The following ITGB5 variants were observed in gnomAD, a reference collection of about 807,000 sequenced individuals.
ITGB5 encodes the protein integrin beta-5.
ITGB5 carries 38 observed loss-of-function variants against 84.8 expected under a neutral mutation model. The ratio of observed to expected loss-of-function variants is 0.45; its 90% CI spans 0.35 to 0.59. The LOEUF (loss-of-function observed/expected upper bound fraction) is 0.59, where lower values mean the gene tolerates loss of function less well. Ranked by LOEUF, ITGB5 falls within the 20% of genes least tolerant of loss-of-function variation. The pLI is 0.01. For synonymous variants in ITGB5, 393 were observed against 414.4 expected (o/e 0.95, Z 0.63); for missense variants, 905 against 1,034.5 (o/e 0.87, Z 1.72).
chr3:124,821,485 G>A lies in ITGB5; in HGVS notation c.781-11C>T, dbSNP rs61760575. Reference sequence around the variant, plus strand: ...CCAGCCAATCTTCTCCTGAAGGACAGAAGGTGGATGGGTACACCAGTCTTT... The same window carrying A: ...CCAGCCAATCTTCTCCTGAAGGACAAAAGGTGGATGGGTACACCAGTCTTT... On this transcript the variant is annotated splice_polypyrimidine_tract_variant and intron_variant, in intron 5 of 14. Transcript: ENST00000296181. 8.4e-3 allele frequency: 13,595 copies of A among 1,613,818 alleles called. 61 individuals are homozygous for A. Among genetic ancestry groups the A allele is most frequent in the Non-Finnish European group, 9.9e-3 (11,703 of 1,179,918 alleles).
At chr3:124,891,468 C>T (rs111826254), upstream of ITGB5, among the ~76,000 whole-genome samples, 3,181 of 151,782 alleles carry the variant, frequency 0.021, 104 homozygotes, top group African/African-American at 0.073. Context: ...TTGCTGGAGG[C>T]CAGGAGTTCA....
At chr3:124,877,279 C>A (rs546748005) in intron 1 of ITGB5, among the ~76,000 whole-genome samples, 2 of 152,044 alleles carry the variant, frequency 1.3e-5, no homozygotes, top group Admixed American at 1.3e-4. Flanking sequence ...ACACCTGGCT[C>A]ACTTAGTGAT....
intron 9 of ITGB5, among the ~76,000 whole-genome samples, chr3:124,798,706 G>A (rs562009944): frequency 2.0e-5 from 3 of 152,336 alleles, no homozygotes; most frequent in South Asian, 2.1e-4. Flanking sequence ...GATTACAGGC[G>A]TGAGCCACTG....
At chr3:124,805,600 C>T (rs1033702557) in intron 9 of ITGB5, among the ~76,000 whole-genome samples, 2 of 152,098 alleles carry the variant, frequency 1.3e-5, no homozygotes, top group African/African-American at 2.4e-5. Flanking sequence ...CACAGGTGTG[C>T]GCTACCATGC....
chr3:124,851,533 T>C (rs2065153992), intron 3 of ITGB5, among the ~76,000 whole-genome samples: 1 of 152,058 alleles, frequency 6.6e-6, no homozygotes, highest in African/African-American at 2.4e-5. Flanking sequence ...GGTCCCTTTG[T>C]ATCCTAAGAG....
intron 5 of ITGB5, among the ~76,000 whole-genome samples, chr3:124,830,421 G>A (rs1460471781): frequency 6.6e-6 from 1 of 152,234 alleles, no homozygotes; most frequent in Non-Finnish European, 1.5e-5. Flanking sequence ...CATGGTCACT[G>A]TGGCCAAATA....
At chr3:124,801,647 G>T (rs2064318182) in intron 9 of ITGB5, among the ~76,000 whole-genome samples, 1 of 152,132 alleles carries the variant, frequency 6.6e-6, no homozygotes, top group Non-Finnish European at 1.5e-5. Flanking sequence ...CTCTTCTCCA[G>T]GGGAGTCCCC....
At chr3:124,840,406 A>C (rs1299702359) in intron 5 of ITGB5, among the ~76,000 whole-genome samples, 1 of 152,014 alleles carries the variant, frequency 6.6e-6, no homozygotes, top group African/African-American at 2.4e-5. Context: ...TTTTTAAAGT[A>C]TGTGTTATGA....
chr3:124,822,416 A>G (rs1412824738), intron 5 of ITGB5, among the ~76,000 whole-genome samples: 1 of 152,226 alleles, frequency 6.6e-6, no homozygotes, highest in Non-Finnish European at 1.5e-5. Flanking sequence ...AGGAGACTGG[A>G]TTCACAGACC....
rs372728306 is a variant in ITGB5, at chr3:124,773,842, C to T, written c.1764G>A (p.Ser588=). The stretch of plus-strand genomic sequence containing the variant: ...TGCCCCGGCATGTGCTGATGTCTGT[C>T]GAGCAGTTACAGTTGTCCCCGATGT... The part of the protein sequence containing the change: ...AGYIGDNCNC[S]TDISTCRGRD... Residue 588 remains serine (S), a synonymous_variant, in exon 11 of 15, where the codon TCG becomes TCA. Transcript: ENST00000296181. 5.7e-5 allele frequency: 92 copies of T among 1,614,056 alleles called. No individual in the cohort carries two copies. Among genetic ancestry groups the T allele is most frequent in the Non-Finnish European group, 7.1e-5 (84 of 1,180,056 alleles).
At chr3:124,882,323 A>G (rs1934608548) in intron 1 of ITGB5, among the ~76,000 whole-genome samples, 1 of 152,198 alleles carries the variant, frequency 6.6e-6, no homozygotes, top group African/African-American at 2.4e-5. Context: ...TAAGGACAAA[A>G]ATTAAAGAAG....
At chr3:124,863,147 C>T (rs772343094) in intron 2 of ITGB5, 1 of 152,182 alleles carries the variant, frequency 6.6e-6, no homozygotes, top group Non-Finnish European at 1.5e-5. Context: ...TGCTCAACAA[C>T]TTTGAGGCAT....
chr3:124,782,966 C>CTTTA, intron 10 of ITGB5, among the ~76,000 whole-genome samples: 1 of 147,446 alleles, frequency 6.8e-6, no homozygotes, highest in South Asian at 2.3e-4. Flanking sequence ...ATTATTTTCC[C>CTTTA]TTTCTTTCTT....
At position 124,807,941 on chromosome 3, in the gene ITGB5, C is replaced by CA. The variant is rs552552243; in HGVS notation, c.1263+1080dup. 9.8e-3 allele frequency among the ~76,000 whole-genome samples: 263 copies of CA among 26,796 alleles called. 89 individuals are homozygous for CA. Among genetic ancestry groups the CA allele is most frequent in the Non-Finnish European group, 0.015 (208 of 13,982 alleles). The allele number at this position is 26,796 out of a possible 152,430, so 17.6% of individuals were successfully genotyped here. A position where few individuals can be genotyped will look rare whatever the true frequency, so the allele number is the denominator to read the frequency against. On this transcript the variant is annotated intron_variant, in intron 9 of 14. Transcript: ENST00000296181. ...TGGGCGACAGAGCGAGACTTCATCT[C>CA]AAAAAAAAAAAAAAAAAAAAAAAAA...
chr3:124,800,554 C>T (rs1398141936), intron 9 of ITGB5, among the ~76,000 whole-genome samples: 2 of 152,222 alleles, frequency 1.3e-5, no homozygotes, highest in African/African-American at 2.4e-5. Flanking sequence ...GCCAAGCCTT[C>T]GGTCCAAGTG....
rs1419309426 is a variant in ITGB5 at position 124,837,915 on chromosome 3, GCA to G, written c.780+3466_780+3467del. On this transcript the variant is annotated intron_variant, in intron 5 of 14. Transcript: ENST00000296181. ...CCTGGCCAACTCCAGCCCCTATGAC[GCA>G]CAGAGCCAACTGCACAAGATTCCAG... Among the ~76,000 whole-genome samples the G allele has an allele frequency of 5.3e-5, 8 of 152,144 alleles. No homozygotes were observed. In the East Asian group the frequency reaches 1.5e-3, roughly 29 times the overall value.
At chr3:124,778,040 C>T (rs1405379301) in intron 10 of ITGB5, among the ~76,000 whole-genome samples, 3 of 152,166 alleles carry the variant, frequency 2.0e-5, no homozygotes, top group African/African-American at 4.8e-5. Flanking sequence ...AACATCCTGG[C>T]GGACAGTGCT....
intron 10 of ITGB5, among the ~76,000 whole-genome samples, chr3:124,778,991 C>T (rs1169045957): frequency 6.6e-6 from 1 of 152,166 alleles, no homozygotes; most frequent in Non-Finnish European, 1.5e-5. Flanking sequence ...CTAAACTTCT[C>T]TGATGATCCG....
intron 3 of ITGB5, among the ~76,000 whole-genome samples, chr3:124,858,510 T>C (rs892261167): frequency 1.3e-5 from 2 of 152,058 alleles, no homozygotes; most frequent in African/African-American, 4.8e-5. Flanking sequence ...CACTGACAAA[T>C]GAATAAACAA....
Sources: allele counts gnomAD v4.1 joint callset (sites outside exome capture counted in the v4.1 genomes callset), GRCh38; gene constraint gnomAD v4.1.1; transcripts MANE v1.5; gene names NCBI Gene and HGNC (gene_info 2026-07-23, HGNC 2026-07-21).